Variants in TTLL12 observed in about 807,000 individuals in gnomAD.
TTLL12 encodes tubulin--tyrosine ligase-like protein 12.
Under a neutral mutation model 79.6 loss-of-function variants are expected in TTLL12, and 77 were observed. The observed-to-expected ratio is 0.97, with a 90% CI of 0.81 to 1.17. TTLL12 has a LOEUF of 1.17. Among genes scored for constraint, TTLL12 ranks in the 50% most tolerant of loss-of-function variants. TTLL12 has a pLI of 0.00. For synonymous variants in TTLL12, 437 were observed against 376.1 expected (o/e 1.16, Z -1.87); for missense variants, 969 against 895.9 (o/e 1.08, Z -1.04).
At chr22:43,177,695 T>C (rs1931950518) in intron 5 of TTLL12, among the ~76,000 whole-genome samples, 1 of 152,234 alleles carries the variant, frequency 6.6e-6, no homozygotes, top group South Asian at 2.1e-4. Flanking sequence ...ACAGCAGGCA[T>C]GCACATATGC....
Position 43,169,698 on chromosome 22 carries a change from G to A in TTLL12, c.1576-130C>T, listed in dbSNP as rs566647525. 1,096 of 870,348 alleles carry A rather than the reference G, an allele frequency of 1.3e-3. 9 individuals carry two copies. The highest frequency in any genetic ancestry group is 4.4e-3 in the South Asian group (308 of 69,984). 53.9% of individuals were successfully genotyped at this position (870,348 alleles called of 1,614,324 possible). A position where few individuals can be genotyped will look rare whatever the true frequency, so the allele number is the denominator to read the frequency against. On this transcript the variant is annotated intron_variant, in intron 11 of 13. Transcript: ENST00000216129. ...GTTCCAGGAGCAGGCAGCCAACCCC[G>A]AACCCTCAGGGTCCAAACAGGAGGC...
At chr22:43,178,378 G>A (rs368924930) in intron 5 of TTLL12, among the ~76,000 whole-genome samples, 3 of 150,612 alleles carry the variant, frequency 2.0e-5, no homozygotes, top group Non-Finnish European at 4.4e-5. Flanking sequence ...CTGGAGTGCA[G>A]TGGCGCGATC....
chr22:43,179,856 C>T lies in TTLL12; in HGVS notation c.691G>A (p.Asp231Asn). The change falls in exon 4 of 14, where the codon GAC becomes AAC. Residue 231 changes from aspartate to asparagine, a missense_variant. Asp to Asn is a conservative substitution (Grantham distance 23). Transcript: ENST00000216129. ...CTGGACTTACCGCCAGTGTCCAGGT[C>T]CCTCAGGGGCCACAGCAGCGTGTAG... ...VAYTLLWPLR[D>N]LDTGEEVTRD... 6.3e-7 allele frequency: 1 copy of T among 1,594,880 alleles called. No homozygotes were observed. Among genetic ancestry groups the T allele is most frequent in the Non-Finnish European group, 8.5e-7 (1 of 1,170,246 alleles).
chr22:43,176,293 C>T, intron 6 of TTLL12, 27 bp downstream of exon 6: 2 of 1,538,768 alleles, frequency 1.3e-6, no homozygotes, highest in Non-Finnish European at 1.8e-6. Context: ...CAAGTCCCAG[C>T]CCAAGCAGTG....
chr22:43,183,242 C>A, intron 1 of TTLL12, 93 bp from the exon 2 acceptor site: 1 of 1,505,220 alleles, frequency 6.6e-7, no homozygotes, highest in Non-Finnish European at 9.1e-7. Flanking sequence ...GGTGCCACAC[C>A]CAGGCCTCAA....
chr22:43,179,618 C>T lies in TTLL12; in HGVS notation c.840+1G>A, dbSNP rs781509141. 6.3e-7 allele frequency: 1 copy of T among 1,579,380 alleles called. No homozygotes were observed. On this transcript the variant is annotated splice_donor_variant, in intron 5 of 13. Coordinates refer to ENST00000216129, the MANE Select transcript of TTLL12 (RefSeq NM_015140.4). LOFTEE classifies it high-confidence loss of function. Reference sequence around the variant, plus strand: ...GCCTGGTGGGTGGAGGAGGGCTGCACCTGGTAGTGCTCGGCGGGCGGCTCG... The same window carrying T: ...GCCTGGTGGGTGGAGGAGGGCTGCATCTGGTAGTGCTCGGCGGGCGGCTCG...
At position 43,168,924 on chromosome 22, in the gene TTLL12, G is replaced by T. The variant is rs1224621922; in HGVS notation, c.1645-12C>A. The T allele has an allele frequency of 6.2e-7, 1 of 1,606,434 alleles. No individual in the cohort carries two copies. The highest frequency in any genetic ancestry group is 8.5e-7 in the Non-Finnish European group (1 of 1,176,438). On this transcript the variant is annotated splice_polypyrimidine_tract_variant and intron_variant, in intron 12 of 13. Coordinates refer to ENST00000216129, the MANE Select transcript of TTLL12 (RefSeq NM_015140.4). ...CGGAAGATCTCAGCCTGGGGACCGG[G>T]GAGCCTGAGTTACGAGGCCTGCTCA...
At chr22:43,170,078 G>T in intron 11 of TTLL12, 1 of 356,752 alleles carries the variant, frequency 2.8e-6, no homozygotes, top group Non-Finnish European at 5.5e-6. Context: ...CGAGGAAGGT[G>T]GCAGTCGGCT....
At position 43,186,888 on chromosome 22, in the gene TTLL12, C is replaced by A. The variant is rs1423952742; in HGVS notation, c.177+5G>T. ...GCCGCACGTGCCCGCCGCCCTTCCC[C>A]GCACCTCGTGCTCCAGCTTGTGCAG... is the stretch of plus-strand genomic sequence containing the variant. On this transcript the variant is annotated splice_donor_5th_base_variant and intron_variant, in intron 1 of 13. Transcript: ENST00000216129. The A allele has an allele frequency of 3.1e-6, 4 of 1,289,570 alleles. No individual in the cohort carries two copies. The East Asian group carries it at 1.3e-4, about 42-fold the overall frequency. 79.9% of individuals were successfully genotyped at this position (1,289,570 alleles called of 1,614,324 possible). A position where few individuals can be genotyped will look rare whatever the true frequency, so the allele number is the denominator to read the frequency against.
intron 1 of TTLL12, among the ~76,000 whole-genome samples, chr22:43,183,589 CAGA>C (rs765817770): frequency 3.3e-5 from 5 of 152,234 alleles, no homozygotes; most frequent in African/African-American, 7.2e-5. Context: ...CCCCCCTCAC[CAGA>C]AGAACCCCTC....
At chr22:43,185,269 A>G (rs1288178762) in intron 1 of TTLL12, among the ~76,000 whole-genome samples, 12 of 45,676 alleles carry the variant, frequency 2.6e-4, no homozygotes, top group South Asian at 1.1e-3. Flanking sequence ...ATATATATAT[A>G]TATATATATA....
At position 43,176,337 on chromosome 22, in the gene TTLL12, G is replaced by GGGGTGCACCACGGGGTTGATGTCAAGT; in HGVS notation, c.873_899dup (p.Leu292_Pro300dup). 1 of 1,601,672 alleles carries GGGGTGCACCACGGGGTTGATGTCAAGT rather than the reference G, an allele frequency of 6.2e-7. No individual in the cohort carries two copies. Among genetic ancestry groups the GGGGTGCACCACGGGGTTGATGTCAAGT allele is most frequent in the Non-Finnish European group, 8.5e-7 (1 of 1,175,578 alleles). On this transcript the variant is annotated inframe_insertion, in exon 6 of 14. Coordinates refer to ENST00000216129, the MANE Select transcript of TTLL12 (RefSeq NM_015140.4). Reference sequence around the variant, plus strand: ...CTACGCACTTGAAGATGTGGCCGTGGGGGTGCACCACGGGGTTGATGTCAA... The same window carrying GGGGTGCACCACGGGGTTGATGTCAAGT: ...CTACGCACTTGAAGATGTGGCCGTGGGGGTGCACCACGGGGTTGATGTCAAGTGGGTGCACCACGGGGTTGATGTCAA...
At chr22:43,180,527 G>T (rs1932028862) in intron 3 of TTLL12, among the ~76,000 whole-genome samples, 1 of 152,106 alleles carries the variant, frequency 6.6e-6, no homozygotes, top group African/African-American at 2.4e-5. Context: ...GAGTCATCTG[G>T]GCCCCTTCAG....
Position 43,173,077 on chromosome 22 carries a change from C to T in TTLL12, c.1342-523G>A, listed in dbSNP as rs1004604713. On this transcript the variant is annotated intron_variant, in intron 9 of 13. Transcript: ENST00000216129. Reference sequence around the variant, plus strand: ...ATTCCATCCACCCCCATCCCATGGCCTGAAGTCTCCACGACAATCGTCCTC... The same window carrying T: ...ATTCCATCCACCCCCATCCCATGGCTTGAAGTCTCCACGACAATCGTCCTC... Among the ~76,000 whole-genome samples, 14 of 152,290 alleles carry T rather than the reference C, an allele frequency of 9.2e-5. No homozygotes were observed. The East Asian group carries it at 2.7e-3, about 29-fold the overall frequency.
Position 43,183,115 on chromosome 22 carries a change from T to C in TTLL12, c.212A>G (p.Gln71Arg), listed in dbSNP as rs1569487382. ...CTCCTCCTCTTCTACCTCCTCCACT[T>C]GCATGATCCCAAACACTTCCCCAGC... Reference protein sequence around the residue: ...FDAGEVFGIMQVEEVEEEEDE... With the variant: ...FDAGEVFGIMRVEEVEEEEDE... The change falls in exon 2 of 14, where the codon CAA becomes CGA. Residue 71 changes from glutamine (Q) to arginine (R), a missense_variant. Gln to Arg is a conservative substitution (Grantham distance 43). Coordinates refer to ENST00000216129, the MANE Select transcript of TTLL12 (RefSeq NM_015140.4). 1.2e-6 allele frequency: 2 copies of C among 1,613,870 alleles called. No individual in the cohort carries two copies. Among genetic ancestry groups the C allele is most frequent in the South Asian group, 1.1e-5 (1 of 91,076 alleles).
intron 1 of TTLL12, among the ~76,000 whole-genome samples, chr22:43,183,389 C>T (rs1395561005): frequency 6.6e-6 from 1 of 152,238 alleles, no homozygotes; most frequent in East Asian, 1.9e-4. Flanking sequence ...CCTGAGCTGT[C>T]ATCCAGAGCC....
intron 5 of TTLL12, among the ~76,000 whole-genome samples, chr22:43,178,059 G>A (rs1392661196): frequency 6.6e-6 from 1 of 152,156 alleles, no homozygotes; most frequent in Non-Finnish European, 1.5e-5. Flanking sequence ...CCGAGACCAG[G>A]AAGTGTTTGT....
intron 10 of TTLL12, 121 bp downstream of exon 10, chr22:43,172,282 G>T (rs917965680): frequency 4.9e-6 from 6 of 1,236,448 alleles, no homozygotes; most frequent in Non-Finnish European, 6.8e-6. Flanking sequence ...CTAGCTGGGT[G>T]AGTGATGGAG....
chr22:43,184,161 A>G (rs1348450041), intron 1 of TTLL12, among the ~76,000 whole-genome samples: 2 of 152,368 alleles, frequency 1.3e-5, no homozygotes, highest in East Asian at 1.9e-4. Flanking sequence ...CAGCGTGCAT[A>G]AAGTCCTGGC....
Sources: allele counts gnomAD v4.1 joint callset (sites outside exome capture counted in the v4.1 genomes callset), GRCh38; gene constraint gnomAD v4.1.1; transcripts MANE v1.5; gene names NCBI Gene and HGNC (gene_info 2026-07-23, HGNC 2026-07-21).